Variants in TXLNB observed in about 807,000 individuals in gnomAD.
The protein encoded by TXLNB is beta-taxilin.
In TXLNB, 37 loss-of-function variants were observed where a neutral mutation model predicts 57.4. The ratio of observed to expected loss-of-function variants is 0.64; its 90% CI spans 0.50 to 0.85. TXLNB has a LOEUF of 0.85. Among genes scored for constraint, TXLNB ranks in the 40% least tolerant of loss-of-function variants. The probability of loss-of-function intolerance (pLI) is 0.00; values close to 1 mark genes in which losing one functional copy is unlikely to be tolerated. For missense variants in TXLNB, 848 were observed against 825.6 expected (o/e 1.03, Z -0.33); for synonymous variants, 302 against 309.6 (o/e 0.98, Z 0.26).
chr6:139,207,016 A>T, the TXLNB span, among the ~76,000 whole-genome samples: 1 of 152,214 alleles, frequency 6.6e-6, no homozygotes, highest in East Asian at 1.9e-4. Flanking sequence ...TGAGATGGAT[A>T]GGAACAAAAT....
chr6:139,303,374 C>A, the TXLNB span, among the ~76,000 whole-genome samples: 1 of 152,020 alleles, frequency 6.6e-6, no homozygotes, highest in African/African-American at 2.4e-5. Context: ...AGGCAAATGA[C>A]TTGGGTTCAT....
chr6:139,247,295 C>T (rs1776087568), intron 8 of TXLNB, among the ~76,000 whole-genome samples: 1 of 152,024 alleles, frequency 6.6e-6, no homozygotes, highest in Admixed American at 6.5e-5. Context: ...GCGCATGCCA[C>T]CACGCCTGGC....
the TXLNB span, among the ~76,000 whole-genome samples, chr6:139,212,997 C>T: frequency 3.9e-5 from 6 of 152,298 alleles, no homozygotes; most frequent in African/African-American, 1.2e-4. Context: ...TAGTGACCTA[C>T]AAAGAGACTT....
Position 139,242,537 on chromosome 6 carries a change from C to G in TXLNB, c.2044G>C (p.Gly682Arg), listed in dbSNP as rs748452707. ...PRNVADTNLEGVD is the reference protein window; with the variant it reads ...PRNVADTNLERVD ...AGGCACGGTGAGGCTTAGTCGACGC[C>G]TTCCAGATTGGTGTCAGCCACGTTG... The change falls in exon 10 of 10, where the codon GGC becomes CGC. Residue 682 changes from glycine (G) to arginine (R), a missense_variant. Physicochemically the swap from Gly to Arg is moderately radical, Grantham distance 125 (BLOSUM62 -2). Coordinates refer to ENST00000358430, the MANE Select transcript of TXLNB (RefSeq NM_153235.4). 16 of 1,502,068 alleles carry G rather than the reference C, an allele frequency of 1.1e-5. No homozygotes were observed. Among genetic ancestry groups the G allele is most frequent in the Non-Finnish European group, 1.4e-5 (16 of 1,127,454 alleles). The allele number at this position is 1,502,068 out of a possible 1,614,324, so 93.0% of individuals were successfully genotyped here.
chr6:139,321,117 G>A, the TXLNB span, among the ~76,000 whole-genome samples: 2 of 152,212 alleles, frequency 1.3e-5, no homozygotes, highest in Non-Finnish European at 2.9e-5. Flanking sequence ...ATTGAATCCT[G>A]ATACTAGCCT....
the TXLNB span, among the ~76,000 whole-genome samples, chr6:139,199,469 GGA>G: frequency 6.6e-6 from 1 of 152,156 alleles, no homozygotes; most frequent in South Asian, 2.1e-4. Context: ...CTGCTGCTGT[GGA>G]GCCACCTCAT....
chr6:139,165,228 A>G, the TXLNB span, among the ~76,000 whole-genome samples: 1 of 152,190 alleles, frequency 6.6e-6, no homozygotes, highest in African/African-American at 2.4e-5. Flanking sequence ...ACTTATACAT[A>G]CATGTCCTTT....
chr6:139,245,432 G>A (rs746661887), intron 8 of TXLNB: 3 of 152,078 alleles, frequency 2.0e-5, no homozygotes, highest in South Asian at 2.1e-4. Context: ...TGTGTTTTTC[G>A]AACCTGAGGC....
At chr6:139,279,003 A>C (rs1332990997) in intron 2 of TXLNB, among the ~76,000 whole-genome samples, 1 of 152,246 alleles carries the variant, frequency 6.6e-6, no homozygotes, top group Non-Finnish European at 1.5e-5. Context: ...CAAATAAAAA[A>C]ATCAAAGCCA....
chr6:139,214,831 T>A, the TXLNB span, among the ~76,000 whole-genome samples: 1 of 152,048 alleles, frequency 6.6e-6, no homozygotes, highest in African/African-American at 2.4e-5. Context: ...TATACACCAA[T>A]AACAGACAAA....
intron 3 of TXLNB, among the ~76,000 whole-genome samples, chr6:139,271,147 CT>C (rs1776751502): frequency 6.6e-6 from 1 of 152,138 alleles, no homozygotes; most frequent in Non-Finnish European, 1.5e-5. Context: ...ATGTTGGGCT[CT>C]GAGTGTGGAT....
At chr6:139,193,842 T>TATATATA in the TXLNB span, among the ~76,000 whole-genome samples, 37 of 45,694 alleles carry the variant, frequency 8.1e-4, 1 homozygote, top group South Asian at 1.4e-3. Flanking sequence ...ATATATATAT[T>TATATATA]TTTTTTTTTT....
At chr6:139,184,282 C>T in the TXLNB span, among the ~76,000 whole-genome samples, 1 of 152,172 alleles carries the variant, frequency 6.6e-6, no homozygotes, top group Non-Finnish European at 1.5e-5. Flanking sequence ...ACCTTGTTTT[C>T]AGTTGAGAAA....
At chr6:139,276,190 T>C (rs1334584187) in intron 3 of TXLNB, among the ~76,000 whole-genome samples, 3 of 152,202 alleles carry the variant, frequency 2.0e-5, no homozygotes, top group Non-Finnish European at 4.4e-5. Context: ...TTGATGCACA[T>C]ATATAAATGC....
chr6:139,277,763 G>A (rs1776937527), intron 2 of TXLNB, among the ~76,000 whole-genome samples: 1 of 152,056 alleles, frequency 6.6e-6, no homozygotes, highest in East Asian at 1.9e-4. Context: ...TGAAAGGGTG[G>A]GGCATTTTTC....
At chr6:139,211,240 G>T in the TXLNB span, among the ~76,000 whole-genome samples, 3 of 152,208 alleles carry the variant, frequency 2.0e-5, no homozygotes, top group African/African-American at 7.2e-5. Context: ...GAGTAGGGGC[G>T]GACTGACACC....
chr6:139,285,047 C>T (rs575060814), intron 2 of TXLNB, among the ~76,000 whole-genome samples: 3 of 145,266 alleles, frequency 2.1e-5, no homozygotes, highest in African/African-American at 7.6e-5. Context: ...TACTCTAATC[C>T]ACAAGCATTG....
chr6:139,297,562 A>C, the TXLNB span, among the ~76,000 whole-genome samples: 1 of 152,230 alleles, frequency 6.6e-6, no homozygotes, highest in Non-Finnish European at 1.5e-5. Flanking sequence ...TATGAGCCTT[A>C]AAATCAAGTA....
intron 4 of TXLNB, among the ~76,000 whole-genome samples, chr6:139,269,996 A>G (rs964091628): frequency 2.0e-5 from 3 of 152,164 alleles, no homozygotes; most frequent in African/African-American, 7.2e-5. Flanking sequence ...TTGGTTCTCA[A>G]TCTCACTTCA....
Sources: gnomAD v4.1 joint callset for allele counts (sites outside exome capture counted in the v4.1 genomes callset) on GRCh38, gnomAD v4.1.1 for gene constraint, MANE v1.5 for transcripts, NCBI Gene and HGNC (gene_info 2026-07-23, HGNC 2026-07-21) for gene names.